OSBPL1A: variants seen among roughly 807,000 people sequenced by gnomAD.
OSBPL1A encodes the protein oxysterol binding protein like 1A, also known as oxysterol-binding protein-related protein 1.
A neutral mutation model predicts 137.1 loss-of-function variants in OSBPL1A; 80 were observed. The observed-to-expected ratio is 0.58, with a 90% CI of 0.49 to 0.70. The LOEUF is 0.70. Ranked by LOEUF, OSBPL1A falls within the 30% of genes least tolerant of loss-of-function variation. The probability of loss-of-function intolerance (pLI) is 0.00; values close to 1 mark genes in which losing one functional copy is unlikely to be tolerated. For synonymous variants in OSBPL1A, 365 were observed against 389.7 expected, an observed-to-expected ratio of 0.94 and a Z score of 0.75; for missense variants, 970 against 1,129.4, an observed-to-expected ratio of 0.86 and a Z score of 2.02.
At chr18:24,355,898 T>C (rs2091525618) in intron 4 of OSBPL1A, among the ~76,000 whole-genome samples, 1 of 151,138 alleles carries the variant, frequency 6.6e-6, no homozygotes, top group African/African-American at 2.4e-5. Context: ...GGCAGGAGAA[T>C]TGCTTGAACG....
intron 14 of OSBPL1A, among the ~76,000 whole-genome samples, chr18:24,281,772 C>T (rs892608057): frequency 6.6e-6 from 1 of 152,158 alleles, no homozygotes; most frequent in African/African-American, 2.4e-5. Context: ...AGAATGGAGC[C>T]TTCTCCTAGA....
intron 5 of OSBPL1A, among the ~76,000 whole-genome samples, chr18:24,334,730 G>T (rs2091143411): frequency 6.6e-6 from 1 of 152,094 alleles, no homozygotes; most frequent in African/African-American, 2.4e-5. Flanking sequence ...ATAAATATAT[G>T]CAGACATACC....
At chr18:24,310,310 G>A (rs1011690421) in intron 13 of OSBPL1A, among the ~76,000 whole-genome samples, 4 of 151,516 alleles carry the variant, frequency 2.6e-5, no homozygotes, top group African/African-American at 4.8e-5. Flanking sequence ...AAATCTTGCC[G>A]GGATGTTGTG....
At position 24,261,424 on chromosome 18, in the gene OSBPL1A, C is replaced by T. The variant is rs275858; in HGVS notation, c.1281+19418G>A. On this transcript the variant is annotated intron_variant, in intron 15 of 27. Coordinates refer to ENST00000319481, the MANE Select transcript of OSBPL1A (RefSeq NM_080597.4). ...TGGAGTTTATTGTACATCAATTATA[C>T]GTCAATAAAGCTATAAAAATGATAG... Among the ~76,000 whole-genome samples the T allele has an allele frequency of 3.5e-3, 530 of 152,060 alleles. 8 individuals carry two copies. The East Asian group carries it at 0.041, about 12-fold the overall frequency.
intron 17 of OSBPL1A, among the ~76,000 whole-genome samples, chr18:24,206,795 T>C (rs2087387143): frequency 6.6e-6 from 1 of 152,158 alleles, no homozygotes; most frequent in Non-Finnish European, 1.5e-5. Context: ...AATTGGCTAG[T>C]TCCGTGCTCA....
At chr18:24,376,181 A>T (rs1336798983) in intron 2 of OSBPL1A, among the ~76,000 whole-genome samples, 1 of 152,158 alleles carries the variant, frequency 6.6e-6, no homozygotes, top group Non-Finnish European at 1.5e-5. Flanking sequence ...CCCCACCCAC[A>T]TCCTGCTGAC....
chr18:24,175,742 A>G (rs1265027141), intron 21 of OSBPL1A, among the ~76,000 whole-genome samples: 1 of 152,170 alleles, frequency 6.6e-6, no homozygotes, highest in East Asian at 1.9e-4. Context: ...AGTTTCTCCT[A>G]TGTTTTCTTC....
intron 17 of OSBPL1A, among the ~76,000 whole-genome samples, chr18:24,219,219 G>A (rs1015204790): frequency 6.6e-6 from 1 of 152,134 alleles, no homozygotes; most frequent in Admixed American, 6.5e-5. Flanking sequence ...CTGAGACCAA[G>A]GAGGTTGAGG....
intron 7 of OSBPL1A, among the ~76,000 whole-genome samples, chr18:24,327,511 G>A (rs2091003511): frequency 6.6e-6 from 1 of 152,208 alleles, no homozygotes; most frequent in Non-Finnish European, 1.5e-5. Flanking sequence ...CTGGGTTCAA[G>A]TGATTCTCCT....
chr18:24,236,505 A>G (rs2088481304), intron 16 of OSBPL1A, among the ~76,000 whole-genome samples: 1 of 152,040 alleles, frequency 6.6e-6, no homozygotes, highest in Non-Finnish European at 1.5e-5. Context: ...AGGGCATCTG[A>G]CTCTTCATTT....
At chr18:24,270,476 G>A (rs960429739) in intron 15 of OSBPL1A, among the ~76,000 whole-genome samples, 1 of 152,070 alleles carries the variant, frequency 6.6e-6, no homozygotes, top group African/African-American at 2.4e-5. Context: ...ACCTTTAAAG[G>A]GTTTTTAAAG....
In OSBPL1A at chr18:24,333,222, C is replaced by T. The variant is rs187442091; in HGVS notation, c.481-136G>A. On this transcript the variant is annotated intron_variant, in intron 6 of 27. Coordinates refer to ENST00000319481, the MANE Select transcript of OSBPL1A (RefSeq NM_080597.4). ...CATCCAGGCTGTTAGTGGTTTCTTG[C>T]TCACTAAACCAGCCAACCCTGCCAC... 1.2e-4 allele frequency: 112 copies of T among 927,968 alleles called. No individual in the cohort carries two copies. The East Asian group carries it at 2.8e-3, about 23-fold the overall frequency. The allele number at this position is 927,968 out of a possible 1,614,324, so 57.5% of individuals were successfully genotyped here.
intron 4 of OSBPL1A, among the ~76,000 whole-genome samples, chr18:24,342,022 T>C (rs1351198834): frequency 6.6e-6 from 1 of 152,244 alleles, no homozygotes; most frequent in Non-Finnish European, 1.5e-5. Context: ...CTAAGGCCTG[T>C]TGAGAAATAT....
At chr18:24,304,693 C>G (rs2090467908) in intron 13 of OSBPL1A, among the ~76,000 whole-genome samples, 1 of 152,152 alleles carries the variant, frequency 6.6e-6, no homozygotes, top group African/African-American at 2.4e-5. Flanking sequence ...ATCAAACTTA[C>G]TATAGATCAG....
In OSBPL1A at chr18:24,272,095, C is replaced by A; in HGVS notation, c.1281+8747G>T. ...GGCGGGCGGAGGCGCAGGTAGGGAC[C>A]GCCGGGGAAGCCTGCACGGCCCTCC... On this transcript the variant is annotated intron_variant, in intron 15 of 27. Transcript: ENST00000319481. 9.2e-6 allele frequency: 9 copies of A among 982,976 alleles called. No homozygotes were observed. In the South Asian group the frequency reaches 1.4e-4, roughly 15 times the overall value. The allele number at this position is 982,976 out of a possible 1,614,324, so 60.9% of individuals were successfully genotyped here.
intron 15 of OSBPL1A, among the ~76,000 whole-genome samples, chr18:24,269,482 G>A (rs942109456): frequency 6.6e-6 from 1 of 152,068 alleles, no homozygotes; most frequent in Non-Finnish European, 1.5e-5. Flanking sequence ...ATAGATTTTA[G>A]TCATCTAATT....
intron 7 of OSBPL1A, among the ~76,000 whole-genome samples, chr18:24,322,304 G>A (rs1485042790): frequency 6.8e-6 from 1 of 147,200 alleles, no homozygotes; most frequent in Non-Finnish European, 1.5e-5. Flanking sequence ...TTTTTTTTTA[G>A]TAGAGATGGG....
chr18:24,322,204 G>C (rs2090875720), intron 7 of OSBPL1A, among the ~76,000 whole-genome samples: 1 of 150,264 alleles, frequency 6.7e-6, no homozygotes, highest in African/African-American at 2.5e-5. Flanking sequence ...CTGCCTCCCG[G>C]GTTCATGCTA....
chr18:24,310,403 A>G (rs2090595517), intron 13 of OSBPL1A, among the ~76,000 whole-genome samples: 2 of 141,602 alleles, frequency 1.4e-5, no homozygotes, highest in African/African-American at 2.6e-5. Context: ...CCTGGCTAAC[A>G]CGGTGAAACC....
Sources: allele counts gnomAD v4.1 joint callset (sites outside exome capture counted in the v4.1 genomes callset), GRCh38; gene constraint gnomAD v4.1.1; transcripts MANE v1.5; gene names NCBI Gene and HGNC (gene_info 2026-07-23, HGNC 2026-07-21).